The following ESR1 variants were observed in gnomAD, a reference collection of about 807,000 sequenced individuals.
ESR1 encodes the protein estrogen receptor 1, also known as estrogen receptor.
In ESR1, 12 loss-of-function variants were observed where a neutral mutation model predicts 52.7. The ratio of observed to expected loss-of-function variants is 0.23; its 90% CI spans 0.15 to 0.37. The LOEUF (loss-of-function observed/expected upper bound fraction) is 0.37, where lower values mean the gene tolerates loss of function less well. Among genes scored for constraint, ESR1 ranks in the 10% least tolerant of loss-of-function variants. The probability of loss-of-function intolerance (pLI) is 1.00; values close to 1 mark genes in which losing one functional copy is unlikely to be tolerated. For synonymous variants in ESR1, 305 were observed against 316.8 expected, an observed-to-expected ratio of 0.96 and a Z score of 0.39; for missense variants, 584 against 779.7, an observed-to-expected ratio of 0.75 and a Z score of 2.99.
At position 151,706,438 on chromosome 6, in the gene ESR1, C is replaced by T. The variant is rs370470467; in HGVS notation, c.-71+4433C>T. On this transcript the variant is annotated intron_variant, in intron 2 of 2. Transcript: ENST00000404742. Reference sequence around the variant, plus strand: ...ACTGGGTCTTGGGAAGAAGAGGTAGCGGGCATCCTTGTTTGCCTCAACCAG... The same window carrying T: ...ACTGGGTCTTGGGAAGAAGAGGTAGTGGGCATCCTTGTTTGCCTCAACCAG... Among the ~76,000 whole-genome samples, 413 of 152,224 alleles carry T rather than the reference C, an allele frequency of 2.7e-3. 2 individuals are homozygous for T. Among genetic ancestry groups the T allele is most frequent in the African/African-American group, 9.3e-3 (388 of 41,536 alleles).
intron 1 of ESR1, among the ~76,000 whole-genome samples, chr6:151,676,768 T>C (rs2115276181): frequency 6.6e-6 from 1 of 152,254 alleles, no homozygotes; most frequent in East Asian, 1.9e-4. Flanking sequence ...GGAAGCTGCC[T>C]CACCAGAGAA....
intron 3 of ESR1, among the ~76,000 whole-genome samples, chr6:151,902,966 A>G (rs12215922): frequency 0.22 from 33,409 of 152,124 alleles, 4,567 homozygotes; most frequent in Middle Eastern, 0.35. Flanking sequence ...TGAGGAACCT[A>G]CAAGTTAGCC....
At chr6:151,671,176 C>T (rs1778043512) in intron 1 of ESR1, among the ~76,000 whole-genome samples, 1 of 152,094 alleles carries the variant, frequency 6.6e-6, no homozygotes, top group African/African-American at 2.4e-5. Context: ...GGGTGAACTT[C>T]TGGGTGTATA....
At chr6:151,918,340 T>C (rs917412103) in intron 3 of ESR1, among the ~76,000 whole-genome samples, 2 of 152,162 alleles carry the variant, frequency 1.3e-5, no homozygotes, top group African/African-American at 2.4e-5. Context: ...GAGGGTATGA[T>C]TGAGTTCTAA....
intron 6 of ESR1, among the ~76,000 whole-genome samples, chr6:152,123,191 C>T (rs1022875306): frequency 6.6e-6 from 1 of 152,188 alleles, no homozygotes; most frequent in Admixed American, 6.5e-5. Context: ...TTTGCACAGA[C>T]CCATAAAAGC....
At chr6:151,708,024 A>T (rs968386156) in intron 2 of ESR1, among the ~76,000 whole-genome samples, 3 of 151,700 alleles carry the variant, frequency 2.0e-5, no homozygotes, top group African/African-American at 7.3e-5. Flanking sequence ...CTTGTTCTGT[A>T]CCCCTTCACA....
At chr6:151,766,167 C>T (rs1010445850) in intron 2 of ESR1, among the ~76,000 whole-genome samples, 1 of 152,232 alleles carries the variant, frequency 6.6e-6, no homozygotes, top group Non-Finnish European at 1.5e-5. Flanking sequence ...TTTTGAAGCA[C>T]CCCTCTCTTC....
chr6:152,006,384 T>A (rs2042335687), intron 4 of ESR1, among the ~76,000 whole-genome samples: 1 of 152,030 alleles, frequency 6.6e-6, no homozygotes, highest in South Asian at 2.1e-4. Flanking sequence ...CCAAACATTT[T>A]TTTTTTGGAG....
intron 4 of ESR1, among the ~76,000 whole-genome samples, chr6:151,946,036 T>TC (rs909926979): frequency 6.6e-6 from 1 of 152,216 alleles, no homozygotes; most frequent in Non-Finnish European, 1.5e-5. Flanking sequence ...TTTTCTTGAG[T>TC]ACCTACATAT....
At chr6:151,948,211 GT>G (rs141929405) in intron 4 of ESR1, among the ~76,000 whole-genome samples, 3 of 151,930 alleles carry the variant, frequency 2.0e-5, no homozygotes, top group South Asian at 2.1e-4. Flanking sequence ...ATACATCTGA[GT>G]TTTTTTCCCC....
intron 2 of ESR1, among the ~76,000 whole-genome samples, chr6:151,708,845 TATG>T (rs1780365807): frequency 6.6e-6 from 1 of 152,170 alleles, no homozygotes; most frequent in East Asian, 1.9e-4. Flanking sequence ...TTGTGTATAA[TATG>T]ATATTTTGAG....
chr6:151,907,611 T>TGGACATACTA (rs1405853467), intron 3 of ESR1, among the ~76,000 whole-genome samples: 58 of 152,246 alleles, frequency 3.8e-4, no homozygotes, highest in African/African-American at 1.4e-3. Context: ...AGGAGCTGCA[T>TGGACATACTA]TAATATTCCA....
At chr6:151,697,551 T>C (rs1779445406) in intron 1 of ESR1, among the ~76,000 whole-genome samples, 1 of 152,244 alleles carries the variant, frequency 6.6e-6, no homozygotes, top group African/African-American at 2.4e-5. Flanking sequence ...ATAGTAAAAT[T>C]ATTTTCTTTG....
At chr6:151,742,113 A>T (rs1295712568) in intron 2 of ESR1, among the ~76,000 whole-genome samples, 1 of 152,150 alleles carries the variant, frequency 6.6e-6, no homozygotes, top group African/African-American at 2.4e-5. Flanking sequence ...GCAAGATCTC[A>T]TTCGTTTTTA....
At chr6:151,905,027 A>G (rs765519856) in intron 3 of ESR1, among the ~76,000 whole-genome samples, 7 of 152,252 alleles carry the variant, frequency 4.6e-5, no homozygotes, top group Non-Finnish European at 1.0e-4. Context: ...CCAAAGAACT[A>G]AGAACAGAAA....
intron 1 of ESR1, among the ~76,000 whole-genome samples, chr6:151,700,504 A>C (rs1478788485): frequency 6.6e-6 from 1 of 152,130 alleles, no homozygotes; most frequent in Non-Finnish European, 1.5e-5. Flanking sequence ...TCTGAGGACC[A>C]GTGTGGTATT....
chr6:152,063,027 G>A (rs995774578), intron 6 of ESR1, among the ~76,000 whole-genome samples: 2 of 152,076 alleles, frequency 1.3e-5, no homozygotes, highest in African/African-American at 4.8e-5. Flanking sequence ...TACAACCCAG[G>A]GGGAAAAAAC....
At chr6:152,121,203 G>A (rs2813554) in intron 6 of ESR1, among the ~76,000 whole-genome samples, 35,301 of 152,100 alleles carry the variant, frequency 0.23, 4,261 homozygotes, top group African/African-American at 0.3. Context: ...AAGTTCAGAG[G>A]AGCAAAATAA....
chr6:152,031,878 G>A (rs2044745438), intron 5 of ESR1, among the ~76,000 whole-genome samples: 1 of 152,158 alleles, frequency 6.6e-6, no homozygotes, highest in Non-Finnish European at 1.5e-5. Context: ...GAACATCGAT[G>A]CAAAAATCCT....
Sources: gnomAD v4.1 joint callset for allele counts (sites outside exome capture counted in the v4.1 genomes callset) on GRCh38, gnomAD v4.1.1 for gene constraint, MANE v1.5 for transcripts, NCBI Gene and HGNC (gene_info 2026-07-23, HGNC 2026-07-21) for gene names.